Variants in ANKRD44 observed in about 807,000 individuals in gnomAD.
ANKRD44 encodes the protein ankyrin repeat domain 44.
A neutral mutation model predicts 116.0 loss-of-function variants in ANKRD44; 35 were observed. The ratio of observed to expected loss-of-function variants is 0.30; its 90% CI spans 0.23 to 0.40. The LOEUF is 0.40. Among genes scored for constraint, ANKRD44 ranks in the 10% least tolerant of loss-of-function variants. The pLI, the probability that ANKRD44 is intolerant of heterozygous loss-of-function variation, is 1.00. For synonymous variants in ANKRD44, 435 were observed against 461.8 expected, an observed-to-expected ratio of 0.94 and a Z score of 0.74; for missense variants, 1,014 against 1,242.6, an observed-to-expected ratio of 0.82 and a Z score of 2.77.
At chr2:197,302,792 G>C (rs2083950513) in intron 1 of ANKRD44, among the ~76,000 whole-genome samples, 1 of 152,104 alleles carries the variant, frequency 6.6e-6, no homozygotes, top group Non-Finnish European at 1.5e-5. Flanking sequence ...AAAGTCTGTG[G>C]TCACCATGTC....
chr2:197,066,805 C>T (rs764336075), intron 16 of ANKRD44, among the ~76,000 whole-genome samples: 165 of 152,248 alleles, frequency 1.1e-3, no homozygotes, highest in Non-Finnish European at 1.9e-3. Context: ...AATGGAAGAA[C>T]ATTCCATGCT....
Position 197,078,659 on chromosome 2 carries a change from T to G in ANKRD44, c.1650+44A>C. 4.1e-6 allele frequency: 4 copies of G among 968,050 alleles called. No individual in the cohort carries two copies. The African/African-American group carries it at 6.9e-5, about 17-fold the overall frequency. The allele number at this position is 968,050 out of a possible 1,614,324, so 60.0% of individuals were successfully genotyped here. ...GTTAATGCCTCTGTGATTTGGGGTA[T>G]GTGTGTGTGTGTGTGTTAGAGAAAA... On this transcript the variant is annotated intron_variant, in intron 16 of 27. Coordinates refer to ENST00000282272, the MANE Select transcript of ANKRD44 (RefSeq NM_001195144.2).
At chr2:197,032,759 A>T (rs566052156) in intron 16 of ANKRD44, among the ~76,000 whole-genome samples, 1 of 152,192 alleles carries the variant, frequency 6.6e-6, no homozygotes, top group Non-Finnish European at 1.5e-5. Flanking sequence ...CTGAGATTAC[A>T]ACTCTAATAT....
chr2:196,968,726 T>C (rs948502791), intron 21 of ANKRD44, among the ~76,000 whole-genome samples: 1 of 152,220 alleles, frequency 6.6e-6, no homozygotes, highest in Non-Finnish European at 1.5e-5. Context: ...TCACAGCTTG[T>C]TCTACTCTTA....
intron 21 of ANKRD44, among the ~76,000 whole-genome samples, chr2:196,976,761 G>C (rs1304997962): frequency 6.6e-6 from 1 of 152,068 alleles, no homozygotes; most frequent in Non-Finnish European, 1.5e-5. Context: ...CAGCTACTTG[G>C]GTGGCTGAAG....
chr2:197,197,662 T>G (rs1368654726), intron 1 of ANKRD44, among the ~76,000 whole-genome samples: 1 of 151,550 alleles, frequency 6.6e-6, no homozygotes, highest in Non-Finnish European at 1.5e-5. Context: ...ATGCAAAAAT[T>G]AGCTGGGCAC....
At chr2:197,247,065 A>G (rs1421592857) in intron 1 of ANKRD44, among the ~76,000 whole-genome samples, 3 of 151,970 alleles carry the variant, frequency 2.0e-5, no homozygotes, top group Non-Finnish European at 2.9e-5. Context: ...GATGCTGTCC[A>G]TGTGGTTAAT....
At chr2:197,175,092 A>T (rs1042995916) in intron 2 of ANKRD44, among the ~76,000 whole-genome samples, 2 of 152,190 alleles carry the variant, frequency 1.3e-5, no homozygotes, top group African/African-American at 4.8e-5. Flanking sequence ...ATAAAAAAAG[A>T]TTTTTTTAAA....
intron 1 of ANKRD44, among the ~76,000 whole-genome samples, chr2:197,291,084 C>A (rs1018176697): frequency 1.3e-5 from 2 of 152,114 alleles, no homozygotes; most frequent in African/African-American, 4.8e-5. Flanking sequence ...TGGTGTGTAC[C>A]TGTAACCCTA....
chr2:197,291,958 A>G lies in ANKRD44; in HGVS notation c.27+18620T>C, dbSNP rs10202625. On this transcript the variant is annotated intron_variant, in intron 1 of 27. Transcript: ENST00000282272. ...CTGTCCCTGTGATAGTTTGCTGAGG[A>G]TGATGGTTTCCACCTCCATCCATGT... Among the ~76,000 whole-genome samples the G allele has an allele frequency of 6.1e-3, 923 of 152,228 alleles. 14 individuals carry two copies. The highest frequency in any genetic ancestry group is 0.021 in the African/African-American group (869 of 41,526).
chr2:197,081,611 T>C (rs749319678), intron 15 of ANKRD44, 34 bp downstream of exon 15: 2 of 1,588,074 alleles, frequency 1.3e-6, no homozygotes, highest in Non-Finnish European at 1.7e-6. Context: ...GCGTCAGAAA[T>C]GGCACCTTGT....
intron 1 of ANKRD44, among the ~76,000 whole-genome samples, chr2:197,276,673 T>C (rs959465012): frequency 6.6e-6 from 1 of 152,220 alleles, no homozygotes; most frequent in South Asian, 2.1e-4. Flanking sequence ...GAGTATTACA[T>C]TGATTTATTT....
At chr2:196,973,323 ATATAT>A (rs1442143879) in intron 21 of ANKRD44, among the ~76,000 whole-genome samples, 2 of 151,996 alleles carry the variant, frequency 1.3e-5, no homozygotes, top group African/African-American at 4.8e-5. Context: ...CAATCTCTTA[ATATAT>A]TATAGATATT....
chr2:197,218,629 T>C (rs1463942302), intron 1 of ANKRD44, among the ~76,000 whole-genome samples: 2 of 152,136 alleles, frequency 1.3e-5, no homozygotes, highest in Admixed American at 1.3e-4. Flanking sequence ...GATGAAAACC[T>C]GTACTTTTGG....
intron 16 of ANKRD44, among the ~76,000 whole-genome samples, chr2:197,035,574 C>T (rs1367823918): frequency 6.6e-6 from 1 of 152,094 alleles, no homozygotes. Flanking sequence ...TATCTTTTAG[C>T]AGTGAAGACT....
chr2:197,145,366 A>T (rs2079473564), intron 3 of ANKRD44, among the ~76,000 whole-genome samples: 1 of 152,120 alleles, frequency 6.6e-6, no homozygotes, highest in Non-Finnish European at 1.5e-5. Context: ...GGACCAATAG[A>T]TGTCATACCA....
intron 17 of ANKRD44, among the ~76,000 whole-genome samples, chr2:197,021,611 T>C (rs2125937860): frequency 6.6e-6 from 1 of 152,320 alleles, no homozygotes; most frequent in East Asian, 1.9e-4. Flanking sequence ...TTGAAAAGTG[T>C]CTGTTCATAT....
chr2:197,239,076 A>G (rs912718772), intron 1 of ANKRD44, among the ~76,000 whole-genome samples: 2 of 152,068 alleles, frequency 1.3e-5, no homozygotes, highest in African/African-American at 4.8e-5. Context: ...CTTCTACTTC[A>G]TGATCCACAA....
intron 16 of ANKRD44, among the ~76,000 whole-genome samples, chr2:197,033,663 T>C (rs1017529576): frequency 4.3e-5 from 1 of 23,296 alleles, no homozygotes; most frequent in South Asian, 2.9e-3. Context: ...TGTGTTGTTG[T>C]TGCTTTTTTT....
Sources: gnomAD v4.1 joint callset for allele counts (sites outside exome capture counted in the v4.1 genomes callset) on GRCh38, gnomAD v4.1.1 for gene constraint, MANE v1.5 for transcripts, NCBI Gene and HGNC (gene_info 2026-07-23, HGNC 2026-07-21) for gene names.